The following PIK3C2G variants were observed in gnomAD, a reference collection of about 807,000 sequenced individuals.
PIK3C2G encodes the protein phosphatidylinositol-4-phosphate 3-kinase catalytic subunit type 2 gamma.
A neutral mutation model predicts 181.1 loss-of-function variants in PIK3C2G; 168 were observed. The ratio of observed to expected loss-of-function variants is 0.93; its 90% CI spans 0.82 to 1.05. The LOEUF (loss-of-function observed/expected upper bound fraction) is 1.05. Ranked by LOEUF, PIK3C2G falls within the 50% of genes least tolerant of loss-of-function variation. The pLI, the probability that PIK3C2G is intolerant of heterozygous loss-of-function variation, is 0.00. For missense variants in PIK3C2G, 1,869 were observed against 1,732.8 expected, an observed-to-expected ratio of 1.08 and a Z score of -1.40; for synonymous variants, 573 against 592.2, an observed-to-expected ratio of 0.97 and a Z score of 0.47.
the PIK3C2G span, among the ~76,000 whole-genome samples, chr12:18,701,195 G>A: frequency 1.3e-5 from 2 of 152,000 alleles, no homozygotes; most frequent in African/African-American, 4.8e-5. Flanking sequence ...ATGTTGACCA[G>A]GCTGATCTCA....
At chr12:18,302,387 C>T (rs1056654235) in intron 5 of PIK3C2G, among the ~76,000 whole-genome samples, 1 of 152,138 alleles carries the variant, frequency 6.6e-6, no homozygotes, top group Non-Finnish European at 1.5e-5. Flanking sequence ...CCCCCAGTGG[C>T]TTGTGTGAAT....
intron 5 of PIK3C2G, among the ~76,000 whole-genome samples, chr12:18,313,530 G>T (rs1394908093): frequency 6.6e-6 from 1 of 151,790 alleles, no homozygotes; most frequent in Admixed American, 6.6e-5. Flanking sequence ...TTGAGACAAG[G>T]TCTCCACACA....
At chr12:18,497,399 TG>T in intron 21 of PIK3C2G, among the ~76,000 whole-genome samples, 1 of 152,144 alleles carries the variant, frequency 6.6e-6, no homozygotes, top group Non-Finnish European at 1.5e-5. Context: ...ACCTCTAATT[TG>T]ATGGTTGAAG....
chr12:18,426,041 C>G (rs540195365), intron 18 of PIK3C2G, among the ~76,000 whole-genome samples: 4 of 152,108 alleles, frequency 2.6e-5, no homozygotes, highest in African/African-American at 4.8e-5. Flanking sequence ...ATCACTACAA[C>G]CTTGAATTTA....
At chr12:18,259,683 A>G (rs1591764245), upstream of PIK3C2G, among the ~76,000 whole-genome samples, 1 of 152,280 alleles carries the variant, frequency 6.6e-6, no homozygotes, top group African/African-American at 2.4e-5. Flanking sequence ...CTCTTACAAT[A>G]AAATGCATAA....
chr12:18,400,728 T>C (rs900205213), intron 16 of PIK3C2G, among the ~76,000 whole-genome samples: 1 of 152,084 alleles, frequency 6.6e-6, no homozygotes, highest in African/African-American at 2.4e-5. Context: ...TTTCTTATTA[T>C]TTGTAAGAGT....
chr12:18,397,584 AC>A (rs1943972145), intron 15 of PIK3C2G, among the ~76,000 whole-genome samples: 1 of 152,046 alleles, frequency 6.6e-6, no homozygotes, highest in Admixed American at 6.6e-5. Context: ...ACCACTATAC[AC>A]CCATTGGAAT....
At chr12:18,427,860 T>C (rs1173661890) in intron 18 of PIK3C2G, among the ~76,000 whole-genome samples, 1 of 152,092 alleles carries the variant, frequency 6.6e-6, no homozygotes, top group African/African-American at 2.4e-5. Context: ...ATATAAATTA[T>C]AAATGGACTG....
Position 18,269,524 on chromosome 12 carries a change from G to T in PIK3C2G, c.-79+7947G>T, listed in dbSNP as rs1472839865. Among the ~76,000 whole-genome samples the T allele has an allele frequency of 2.6e-5, 4 of 152,272 alleles. No individual in the cohort carries two copies. In the East Asian group the frequency reaches 5.8e-4, roughly 22 times the overall value. ...CTGTAAAGTGACTACCATGTAAGGA[G>T]ATTTCATTTAAGAGCTAAAACTATT... On this transcript the variant is annotated intron_variant, in intron 1 of 32. Coordinates refer to ENST00000538779, the MANE Select transcript of PIK3C2G (RefSeq NM_001288772.2).
chr12:18,628,330 T>C (rs920394564), intron 31 of PIK3C2G, among the ~76,000 whole-genome samples: 2 of 152,192 alleles, frequency 1.3e-5, no homozygotes, highest in African/African-American at 4.8e-5. Context: ...TATTAGATGT[T>C]TCACTTACTT....
intron 17 of PIK3C2G, among the ~76,000 whole-genome samples, chr12:18,422,418 A>C (rs924525861): frequency 1.3e-5 from 2 of 152,086 alleles, no homozygotes; most frequent in African/African-American, 4.8e-5. Context: ...AAAAAATCCT[A>C]ACCTGTTGGT....
intron 21 of PIK3C2G, among the ~76,000 whole-genome samples, chr12:18,496,809 T>C (rs929749919): frequency 6.6e-6 from 1 of 152,102 alleles, no homozygotes; most frequent in East Asian, 1.9e-4. Context: ...ACTGTCTATT[T>C]TGGAGGATAA....
intron 16 of PIK3C2G, among the ~76,000 whole-genome samples, chr12:18,419,261 T>C (rs1945344073): frequency 6.6e-6 from 1 of 152,190 alleles, no homozygotes. Flanking sequence ...GTTCCTTTTA[T>C]ACTCCTCTTT....
At chr12:18,404,341 C>A (rs1374982670) in intron 16 of PIK3C2G, among the ~76,000 whole-genome samples, 1 of 152,048 alleles carries the variant, frequency 6.6e-6, no homozygotes, top group Non-Finnish European at 1.5e-5. Context: ...TGTGTACAGA[C>A]AAATTGGTAG....
At chr12:18,650,735 T>G (rs1287922290), downstream of PIK3C2G, among the ~76,000 whole-genome samples, 2 of 30,882 alleles carry the variant, frequency 6.5e-5, no homozygotes, top group African/African-American at 2.4e-4. Flanking sequence ...TATATATATA[T>G]ATATATATAT....
chr12:18,699,113 G>A, the PIK3C2G span, among the ~76,000 whole-genome samples: 18 of 152,186 alleles, frequency 1.2e-4, 1 homozygote, highest in South Asian at 2.9e-3. Flanking sequence ...AGAATTAGAG[G>A]CAGTGAAAGG....
chr12:18,315,878 G>A (rs1482997782), intron 6 of PIK3C2G, among the ~76,000 whole-genome samples: 1 of 149,574 alleles, frequency 6.7e-6, no homozygotes, highest in Non-Finnish European at 1.5e-5. Context: ...AAAAATTCTA[G>A]CTTCATGCAT....
At chr12:18,512,484 G>A (rs927465009) in intron 24 of PIK3C2G, among the ~76,000 whole-genome samples, 2 of 151,750 alleles carry the variant, frequency 1.3e-5, no homozygotes, top group African/African-American at 2.4e-5. Context: ...TCTTTCATCC[G>A]TGTTTTACAG....
At chr12:18,713,526 C>T in the PIK3C2G span, among the ~76,000 whole-genome samples, 4 of 152,128 alleles carry the variant, frequency 2.6e-5, no homozygotes, top group Non-Finnish European at 2.9e-5. Flanking sequence ...TCTCTGGAAA[C>T]AGTGTTGGCT....
Sources: gnomAD v4.1 joint callset for allele counts (sites outside exome capture counted in the v4.1 genomes callset) on GRCh38, gnomAD v4.1.1 for gene constraint, MANE v1.5 for transcripts, NCBI Gene and HGNC (gene_info 2026-07-23, HGNC 2026-07-21) for gene names.